Variants in PRRC2B observed in about 807,000 individuals in gnomAD.
PRRC2B encodes proline rich coiled-coil 2B.
Under a neutral mutation model 242.3 loss-of-function variants are expected in PRRC2B, and 68 were observed. The observed-to-expected ratio is 0.28, with a 90% CI of 0.23 to 0.34. The LOEUF is 0.34. PRRC2B is among the 10% of genes least tolerant of loss of function. The pLI, the probability that PRRC2B is intolerant of heterozygous loss-of-function variation, is 1.00. For missense variants in PRRC2B, 2,835 were observed against 2,954.8 expected (o/e 0.96, Z 0.94); for synonymous variants, 1,228 against 1,173.6 (o/e 1.05, Z -0.95).
intron 30 of PRRC2B, among the ~76,000 whole-genome samples, chr9:131,493,191 C>T (rs986642898): frequency 9.2e-5 from 14 of 152,278 alleles, no homozygotes; most frequent in African/African-American, 3.4e-4. Context: ...CACAGCATTC[C>T]ACTCTTGTAC....
In PRRC2B at chr9:131,487,099, GTGGGAGGGGAAGAACCACC is replaced by G; in HGVS notation, c.5857-64_5857-46del. ...AGCCATGTGGAGAGGGGCAGGGGAG[GTGGGAGGGGAAGAACCACC>G]TGGATGGGCCTTGCGGTTACCTCCC... On this transcript the variant is annotated intron_variant, in intron 26 of 31. Transcript: ENST00000683519. The surrounding 1 kb of genome is among the most constrained non-coding windows in gnomAD (Gnocchi z 5.3). The G allele has an allele frequency of 6.8e-7, 1 of 1,481,272 alleles. No homozygotes were observed. The highest frequency in any genetic ancestry group is 9.4e-7 in the Non-Finnish European group (1 of 1,068,862). The allele number at this position is 1,481,272 out of a possible 1,614,324, so 91.8% of individuals were successfully genotyped here.
chr9:131,485,160 A>G lies in PRRC2B; in HGVS notation c.5758+20A>G, dbSNP rs775208161. 1 of 1,544,844 alleles carries G rather than the reference A, an allele frequency of 6.5e-7. No individual in the cohort carries two copies. The highest frequency in any genetic ancestry group is 1.4e-5 in the African/African-American group (1 of 73,238). ...TGCCAGGTATCTCATCCCCTGAGCA[A>G]GGCCTTGGGGTCCTTCTCCATTTAT... On this transcript the variant is annotated intron_variant, in intron 25 of 31. Coordinates refer to ENST00000683519, the MANE Select transcript of PRRC2B (RefSeq NM_013318.4).
At chr9:131,484,187 T>G (rs953748487) in intron 23 of PRRC2B, among the ~76,000 whole-genome samples, 1 of 152,232 alleles carries the variant, frequency 6.6e-6, no homozygotes. Flanking sequence ...TTCCAGCCTC[T>G]GTTACCAGAG....
chr9:131,377,195 A>G (rs952010846), intron 1 of PRRC2B, among the ~76,000 whole-genome samples: 1 of 151,934 alleles, frequency 6.6e-6, no homozygotes, highest in Admixed American at 6.6e-5. Flanking sequence ...GCTCACTGCA[A>G]CCTCCGCCTC....
chr9:131,494,410 G>A lies in PRRC2B; in HGVS notation c.6479G>A (p.Ser2160Asn). 6.3e-7 allele frequency: 1 copy of A among 1,591,124 alleles called. No individual in the cohort carries two copies. The highest frequency in any genetic ancestry group is 2.3e-5 in the East Asian group (1 of 44,228). The change falls in exon 31 of 32, where the codon AGC becomes AAC. Residue 2160 changes from serine to asparagine, a missense_variant. By Grantham distance (46) the Ser-to-Asn change is conservative. Around this residue, in one of 7 missense-constraint regions of PRRC2B, gnomAD observed 574 missense variants for 626.0 expected, o/e 0.92. Transcript: ENST00000683519. This position sits in a 1 kb window ranked among gnomAD's most constrained non-coding sequence, Gnocchi z 4.3. ...CCTGCCTTTGGTTTTTTCAGGCCTA[G>A]CTCTGCTAGCCCCAGTGGGAAGCCC... ...PVPSPQTYRPSSASPSGKPSG... is the reference protein window; with the variant it reads ...PVPSPQTYRPNSASPSGKPSG...
At chr9:131,401,236 G>A (rs937873996) in intron 1 of PRRC2B, among the ~76,000 whole-genome samples, 3 of 152,030 alleles carry the variant, frequency 2.0e-5, no homozygotes, top group African/African-American at 7.3e-5. Context: ...GTTGAGTGGC[G>A]TGAAGCACTT....
rs116727371 is a variant in PRRC2B, at chr9:131,376,672, C to T, written c.-56+2941C>T. ...GGTGACGTTTCCAGAGTCCTTGCAG[C>T]GCCACTTGGAACAGAGCAAAACCCA... On this transcript the variant is annotated intron_variant, in intron 1 of 1. Coordinates refer to the PRRC2B transcript ENST00000682525. Among the ~76,000 whole-genome samples the T allele has an allele frequency of 1.1e-3, 162 of 152,136 alleles. 3 individuals carry two copies. Among genetic ancestry groups the T allele is most frequent in the Middle Eastern group, 6.8e-3 (2 of 294 alleles).
rs1838510413 is a variant in PRRC2B at position 131,440,043 on chromosome 9, C to T, written c.469+982C>T. 2.0e-5 allele frequency among the ~76,000 whole-genome samples: 3 copies of T among 152,060 alleles called. No homozygotes were observed. In the South Asian group the frequency reaches 6.2e-4, roughly 32 times the overall value. ...GCTGGGATCACAGGCGCATGCACCACCACGCCTGGCTTATTGATTAATTGA... is the reference window on the plus strand; with the variant it reads ...GCTGGGATCACAGGCGCATGCACCATCACGCCTGGCTTATTGATTAATTGA... On this transcript the variant is annotated intron_variant, in intron 5 of 31. Coordinates refer to ENST00000683519, the MANE Select transcript of PRRC2B (RefSeq NM_013318.4).
At chr9:131,380,599 G>C (rs939658449) in intron 1 of PRRC2B, among the ~76,000 whole-genome samples, 1 of 151,166 alleles carries the variant, frequency 6.6e-6, no homozygotes, top group African/African-American at 2.4e-5. Context: ...AAAAAAAAAG[G>C]CCGGCCGCAG....
Position 131,465,074 on chromosome 9 carries a change from C to T in PRRC2B, c.1716C>T (p.His572=). Residue 572 remains histidine, a synonymous_variant, in exon 12 of 32, where the codon CAC becomes CAT. Coordinates refer to ENST00000683519, the MANE Select transcript of PRRC2B (RefSeq NM_013318.4). ...CCCAGGAAAACGGCCCTGCTGTCCA[C>T]AAAGGTAAGAGCTGGGCCGTCTTCC... ...ASPQENGPAV[H]KGSPEFPAQE... 2.5e-6 allele frequency: 4 copies of T among 1,611,902 alleles called. No individual in the cohort carries two copies. Among genetic ancestry groups the T allele is most frequent in the Non-Finnish European group, 3.4e-6 (4 of 1,178,538 alleles).
intron 4 of PRRC2B, 22 bp from the exon 5 acceptor site, chr9:131,438,967 C>A: frequency 6.3e-7 from 1 of 1,599,434 alleles, no homozygotes; most frequent in East Asian, 2.2e-5. Flanking sequence ...TGGCCCTCTT[C>A]TGATTCTCTT....
At chr9:131,440,621 A>G (rs1838534518) in intron 5 of PRRC2B, among the ~76,000 whole-genome samples, 1 of 152,208 alleles carries the variant, frequency 6.6e-6, no homozygotes, top group South Asian at 2.1e-4. Flanking sequence ...ACTTGCGCAT[A>G]AGATTATTCA....
rs1943911707 is a variant in PRRC2B at position 131,482,936 on chromosome 9, C to CT, written c.5373+36dup. The CT allele has an allele frequency of 3.2e-6, 5 of 1,571,076 alleles. No homozygotes were observed. Among genetic ancestry groups the CT allele is most frequent in the Non-Finnish European group, 3.5e-6 (4 of 1,157,582 alleles). On this transcript the variant is annotated intron_variant, in intron 22 of 31. Transcript: ENST00000683519. The surrounding 1 kb of genome is among the most constrained non-coding windows in gnomAD (Gnocchi z 5.2). ...AGGCTTTGATTTGTTTTCTTGCTTG[C>CT]TTTTTTTACTTTTTATTTTGGTACT... is the stretch of plus-strand genomic sequence containing the variant.
At chr9:131,464,047 T>G (rs919586839) in intron 11 of PRRC2B, among the ~76,000 whole-genome samples, 7 of 151,982 alleles carry the variant, frequency 4.6e-5, no homozygotes, top group South Asian at 2.1e-4. Context: ...GTTCAAGCGA[T>G]TCTCCTGCCT....
Position 131,487,406 on chromosome 9 carries a change from G to A in PRRC2B, c.5984+112G>A. Reference sequence around the variant, plus strand: ...TGCTTGTCTGCTTTGGGGCCAGTGGGGCGGGGAGGGGTGGGAGTTTGCTCT... The same window carrying A: ...TGCTTGTCTGCTTTGGGGCCAGTGGAGCGGGGAGGGGTGGGAGTTTGCTCT... On this transcript the variant is annotated intron_variant, in intron 27 of 31. Coordinates refer to ENST00000683519, the MANE Select transcript of PRRC2B (RefSeq NM_013318.4). This position sits in a 1 kb window ranked among gnomAD's most constrained non-coding sequence, Gnocchi z 5.3. 1 of 895,150 alleles carries A rather than the reference G, an allele frequency of 1.1e-6. No homozygotes were observed. Among genetic ancestry groups the A allele is most frequent in the Non-Finnish European group, 1.6e-6 (1 of 612,928 alleles). 55.5% of individuals were successfully genotyped at this position (895,150 alleles called of 1,614,324 possible).
chr9:131,408,618 A>G (rs890713408), intron 1 of PRRC2B, among the ~76,000 whole-genome samples: 3 of 152,244 alleles, frequency 2.0e-5, no homozygotes, highest in Non-Finnish European at 2.9e-5. Flanking sequence ...AGAGAAGACC[A>G]TGACTGCTAA....
intron 26 of PRRC2B, chr9:131,486,439 A>T (rs973157984): frequency 6.2e-6 from 6 of 968,550 alleles, no homozygotes; most frequent in Non-Finnish European, 6.1e-6. Flanking sequence ...CCTGTGTCCT[A>T]GCCGGGGAAT....
In PRRC2B at chr9:131,496,225, C is replaced by T. The variant is rs573901985; in HGVS notation, c.*351C>T. ...CAGGGCGCCTTCTCAGCAGTGCTTC[C>T]GGCCCAGCCGCCCATCCCTAGGCAC... is the stretch of plus-strand genomic sequence containing the variant. On this transcript the variant is annotated 3_prime_UTR_variant, in exon 32 of 32. Coordinates refer to ENST00000683519, the MANE Select transcript of PRRC2B (RefSeq NM_013318.4). 2.1e-4 allele frequency: 46 copies of T among 214,210 alleles called. No homozygotes were observed. The highest frequency in any genetic ancestry group is 7.7e-4 in the African/African-American group (34 of 44,034). 13.3% of individuals were successfully genotyped at this position (214,210 alleles called of 1,614,324 possible). A position where few individuals can be genotyped will look rare whatever the true frequency, so the allele number is the denominator to read the frequency against.
Position 131,476,040 on chromosome 9 carries a change from C to T in PRRC2B, c.3911C>T (p.Pro1304Leu), listed in dbSNP as rs1484349348. 7 of 1,605,884 alleles carry T rather than the reference C, an allele frequency of 4.4e-6. No individual in the cohort carries two copies. In the African/African-American group the frequency reaches 5.4e-5, roughly 12 times the overall value. The change falls in exon 16 of 32, where the codon CCC becomes CTC. Residue 1304 changes from proline (P) to leucine (L), a missense_variant. Around this residue, in one of 7 missense-constraint regions of PRRC2B, gnomAD observed 1,536 missense variants for 1,483.1 expected, o/e 1.04. Coordinates refer to ENST00000683519, the MANE Select transcript of PRRC2B (RefSeq NM_013318.4). The part of the protein sequence containing the change: ...AENRPFRRRR[P>L]PRQDKPPRFR... ...AACCGGCCCTTCAGGAGAAGGCGCC[C>T]CCCACGCCAAGATAAGCCCCCTCGA...
Sources: gnomAD v4.1 joint callset for allele counts (sites outside exome capture counted in the v4.1 genomes callset) on GRCh38, gnomAD v4.1.1 for gene constraint, gnomAD v4.1.1 regional missense constraint, Gnocchi (gnomAD v3.1) non-coding constraint, MANE v1.5 for transcripts, NCBI Gene and HGNC (gene_info 2026-07-23, HGNC 2026-07-21) for gene names.